ZNF138: variants seen among roughly 807,000 people sequenced by gnomAD.
The protein encoded by ZNF138 is zinc finger protein 138 (clone pHZ-32).
A neutral mutation model predicts 33.0 loss-of-function variants in ZNF138; 33 were observed. That is an observed-to-expected ratio of 1.00 (90% CI 0.76 to 1.34). The LOEUF (loss-of-function observed/expected upper bound fraction) is 1.34, where lower values mean the gene tolerates loss of function less well. ZNF138 is among the 40% of genes most tolerant of loss of function. The pLI is 0.00. For synonymous variants in ZNF138, 139 were observed against 120.4 expected, an observed-to-expected ratio of 1.15 and a Z score of -1.01; for missense variants, 360 against 370.8, an observed-to-expected ratio of 0.97 and a Z score of 0.24.
intron 1 of ZNF138, among the ~76,000 whole-genome samples, chr7:64,795,964 A>G (rs145414017): frequency 3.3e-5 from 5 of 152,246 alleles, no homozygotes; most frequent in Admixed American, 6.5e-5. Flanking sequence ...TAGCCTCTCA[A>G]GGGAGCAGGT....
chr7:64,828,190 T>TTG (rs1409840986), intron 3 of ZNF138, among the ~76,000 whole-genome samples: 3 of 151,792 alleles, frequency 2.0e-5, no homozygotes, highest in Non-Finnish European at 2.9e-5. Context: ...TGGTTTTTTT[T>TTG]TAGGTATTGT....
chr7:64,816,245 A>C (rs1455198658), intron 3 of ZNF138, among the ~76,000 whole-genome samples: 1 of 151,646 alleles, frequency 6.6e-6, no homozygotes, highest in Non-Finnish European at 1.5e-5. Flanking sequence ...CAAAAATGTC[A>C]CTGGAATTTT....
At chr7:64,822,046 G>A (rs915501343) in intron 3 of ZNF138, among the ~76,000 whole-genome samples, 1 of 149,632 alleles carries the variant, frequency 6.7e-6, no homozygotes, top group East Asian at 2.0e-4. Context: ...TGCCTCCCGA[G>A]TAGCTGGGAC....
rs554221536 is a variant in ZNF138, at chr7:64,794,521, A to T, written c.-48A>T. ...GCCTCTGTGGCGCTGTGATCTGGTT[A>T]TTGGGAGATTCACAGCTAAGACGCC... is the stretch of plus-strand genomic sequence containing the variant. On this transcript the variant is annotated 5_prime_UTR_variant, in exon 1 of 4. Transcript: ENST00000307355. 1.2e-6 allele frequency: 2 copies of T among 1,611,886 alleles called. No homozygotes were observed. Among genetic ancestry groups the T allele is most frequent in the Admixed American group, 3.3e-5 (2 of 59,930 alleles).
intron 3 of ZNF138, 26 bp downstream of exon 3, chr7:64,815,679 G>A (rs2129002112): frequency 6.3e-7 from 1 of 1,597,746 alleles, no homozygotes; most frequent in Non-Finnish European, 8.5e-7. Context: ...TACACAGATG[G>A]CACAGATGAG....
At chr7:64,827,576 A>T (rs766938008) in intron 3 of ZNF138, among the ~76,000 whole-genome samples, 3 of 152,148 alleles carry the variant, frequency 2.0e-5, no homozygotes, top group Non-Finnish European at 2.9e-5. Flanking sequence ...CTCACCTTTT[A>T]TCTTGGAGAG....
intron 3 of ZNF138, among the ~76,000 whole-genome samples, chr7:64,818,658 G>C (rs1788869468): frequency 6.8e-6 from 1 of 146,344 alleles, no homozygotes; most frequent in Non-Finnish European, 1.5e-5. Context: ...GCTGAGGCAG[G>C]AGAATCACTT....
At chr7:64,836,555 G>C (rs1018444751), downstream of ZNF138, 9 of 152,234 alleles carry the variant, frequency 5.9e-5, no homozygotes, top group Non-Finnish European at 1.3e-4. Context: ...GCCCAGCGGG[G>C]GTCCTAAGGG....
intron 1 of ZNF138, among the ~76,000 whole-genome samples, chr7:64,800,324 G>T (rs1787041371): frequency 6.6e-6 from 1 of 152,116 alleles, no homozygotes; most frequent in African/African-American, 2.4e-5. Context: ...TTGGTTGTGG[G>T]TTTGTCTTGG....
the ZNF138 span, chr7:64,853,049 C>T: frequency 6.8e-7 from 1 of 1,472,706 alleles, no homozygotes; most frequent in Non-Finnish European, 9.5e-7. Flanking sequence ...GACATTGGCA[C>T]ATGCTATCCT....
intron 1 of ZNF138, among the ~76,000 whole-genome samples, chr7:64,803,507 CTG>C: frequency 1.3e-5 from 2 of 152,166 alleles, no homozygotes; most frequent in Non-Finnish European, 2.9e-5. Flanking sequence ...AGTGTATGAA[CTG>C]AACAGTGGAG....
At chr7:64,802,325 G>T (rs1013656869) in intron 1 of ZNF138, among the ~76,000 whole-genome samples, 1 of 152,130 alleles carries the variant, frequency 6.6e-6, no homozygotes, top group Non-Finnish European at 1.5e-5. Flanking sequence ...ACAGCAGGTT[G>T]TAAAAATGTT....
intron 1 of ZNF138, among the ~76,000 whole-genome samples, chr7:64,802,449 A>G (rs922950324): frequency 2.6e-5 from 4 of 152,140 alleles, no homozygotes; most frequent in African/African-American, 7.2e-5. Context: ...TAGAATGTAC[A>G]TTTTTCCCAC....
chr7:64,847,332 A>ATATATATATAT, the ZNF138 span, among the ~76,000 whole-genome samples: 8 of 128,128 alleles, frequency 6.2e-5, no homozygotes, highest in South Asian at 2.5e-4. Flanking sequence ...ATATATATAT[A>ATATATATATAT]TTTTTTTTTT....
At chr7:64,838,456 G>A (rs1282235431), downstream of ZNF138, among the ~76,000 whole-genome samples, 2 of 152,178 alleles carry the variant, frequency 1.3e-5, no homozygotes, top group African/African-American at 4.8e-5. Flanking sequence ...GCCAGACGGG[G>A]CCTGGGAGAT....
At chr7:64,851,263 C>T in the ZNF138 span, among the ~76,000 whole-genome samples, 1 of 152,148 alleles carries the variant, frequency 6.6e-6, no homozygotes, top group African/African-American at 2.4e-5. Flanking sequence ...CCACACCCAG[C>T]CTCTGGTAAA....
At chr7:64,852,529 G>A in the ZNF138 span, 2 of 1,571,662 alleles carry the variant, frequency 1.3e-6, no homozygotes, top group African/African-American at 2.7e-5. Flanking sequence ...ATGCTTGGTG[G>A]TCTTCACCAT....
chr7:64,838,570 C>T (rs1002053206), downstream of ZNF138, among the ~76,000 whole-genome samples: 6 of 152,180 alleles, frequency 3.9e-5, no homozygotes, highest in African/African-American at 1.2e-4. Context: ...TCTTGCCTGT[C>T]GTTGTACCTC....
chr7:64,822,416 A>C lies in ZNF138; in HGVS notation c.208+6763A>C, dbSNP rs187766663. Among the ~76,000 whole-genome samples, 156 of 151,732 alleles carry C rather than the reference A, an allele frequency of 1.0e-3. 10 individuals carry two copies. The highest frequency in any genetic ancestry group is 3.1e-3 in the African/African-American group (129 of 41,032). ...TTTTTTTCTTACATTCATTTCTAAG[A>C]GATTAACAGTGATTTTTTAGGTCTA... On this transcript the variant is annotated intron_variant, in intron 3 of 3. Transcript: ENST00000307355.
Sources: allele counts gnomAD v4.1 joint callset (sites outside exome capture counted in the v4.1 genomes callset), GRCh38; gene constraint gnomAD v4.1.1; transcripts MANE v1.5; gene names NCBI Gene and HGNC (gene_info 2026-07-23, HGNC 2026-07-21).